Variants in RIF1 observed in about 807,000 individuals in gnomAD.
The protein encoded by RIF1 is replication timing regulatory factor 1, also known as telomere-associated protein RIF1.
RIF1 carries 45 observed loss-of-function variants against 247.1 expected under a neutral mutation model. The ratio of observed to expected loss-of-function variants is 0.18; its 90% CI spans 0.14 to 0.23. RIF1 has a LOEUF of 0.23. RIF1 is among the 10% of genes least tolerant of loss of function. The pLI, the probability that RIF1 is intolerant of heterozygous loss-of-function variation, is 1.00. For synonymous variants in RIF1, 1,087 were observed against 978.8 expected (o/e 1.11, Z -2.06); for missense variants, 2,967 against 2,862.5 (o/e 1.04, Z -0.83).
intron 11 of RIF1, among the ~76,000 whole-genome samples, chr2:151,500,523 C>T (rs757898429): frequency 2.7e-5 from 4 of 149,706 alleles, no homozygotes; most frequent in Non-Finnish European, 4.4e-5. Flanking sequence ...AAAAAAAAAT[C>T]AGAAGGCCTG....
At chr2:151,486,640 A>G (rs955481509), downstream of RIF1, 1 of 152,298 alleles carries the variant, frequency 6.6e-6, no homozygotes, top group Non-Finnish European at 1.5e-5. Context: ...AAGATCTGGT[A>G]TATCCATACA....
chr2:151,415,240 G>T (rs746083961), intron 4 of RIF1, among the ~76,000 whole-genome samples: 1 of 151,750 alleles, frequency 6.6e-6, no homozygotes. Context: ...CCAGCTACTC[G>T]GGAGGCTGAG....
At chr2:151,413,438 A>G (rs1444824269) in intron 3 of RIF1, among the ~76,000 whole-genome samples, 2 of 152,222 alleles carry the variant, frequency 1.3e-5, no homozygotes, top group Non-Finnish European at 2.9e-5. Context: ...AAGCAATGAA[A>G]GGATAATTGA....
the RIF1 span, among the ~76,000 whole-genome samples, chr2:151,517,857 T>C: frequency 3.0e-4 from 46 of 152,364 alleles, no homozygotes; most frequent in Non-Finnish European, 5.6e-4. Context: ...ATACAGGTGG[T>C]CTGCTGTTGA....
chr2:151,457,262 AC>A (rs929073578), intron 23 of RIF1, among the ~76,000 whole-genome samples: 9 of 152,158 alleles, frequency 5.9e-5, no homozygotes, highest in African/African-American at 1.9e-4. Context: ...AGCTAGGACT[AC>A]AGGCATACAC....
chr2:151,484,666 A>G (rs2049400701), downstream of RIF1, among the ~76,000 whole-genome samples: 1 of 152,236 alleles, frequency 6.6e-6, no homozygotes, highest in African/African-American at 2.4e-5. Flanking sequence ...GGGAGTTGGA[A>G]ATCACAATAG....
chr2:151,465,203 G>A lies in RIF1; in HGVS notation c.5683G>A (p.Glu1895Lys). Residue 1895 changes from glutamate (E) to lysine (K), a missense_variant, in exon 30 of 36, where the codon GAG becomes AAG. This residue lies in a region of RIF1 where 2,028 missense variants were observed against 1,825.6 expected (regional missense o/e 1.11). Transcript: ENST00000444746. ...AACCCCAAAAATGGAACTGAGTCTA[G>A]AGAATGTTACTGTTGAAGGAAATGC... Reference protein sequence around the residue: ...EETPKMELSLENVTVEGNACK... With the variant: ...EETPKMELSLKNVTVEGNACK... 2 of 1,612,460 alleles carry A rather than the reference G, an allele frequency of 1.2e-6. No individual in the cohort carries two copies. The highest frequency in any genetic ancestry group is 3.4e-5 in the Admixed American group (2 of 59,610).
rs2048893719 is a variant in RIF1 at position 151,475,691 on chromosome 2, A to G, written c.*620A>G. Reference sequence around the variant, plus strand: ...AGATTTTATTCATTTGCATTAGCAAATATTCATGCAGCAGCAGTTGACTGA... The same window carrying G: ...AGATTTTATTCATTTGCATTAGCAAGTATTCATGCAGCAGCAGTTGACTGA... On this transcript the variant is annotated 3_prime_UTR_variant, in exon 36 of 36. Transcript: ENST00000444746. The G allele has an allele frequency of 1.3e-5, 2 of 153,870 alleles. No homozygotes were observed. The highest frequency in any genetic ancestry group is 2.4e-5 in the African/African-American group (1 of 41,590). 9.5% of individuals were successfully genotyped at this position (153,870 alleles called of 1,614,324 possible). A position where few individuals can be genotyped will look rare whatever the true frequency, so the allele number is the denominator to read the frequency against.
At chr2:151,498,077 T>TATC (rs2061524579) in intron 10 of RIF1, 2 of 1,466,758 alleles carry the variant, frequency 1.4e-6, no homozygotes, top group Non-Finnish European at 1.8e-6. Flanking sequence ...TGTTTGTAAA[T>TATC]ATCAGATGAA....
chr2:151,474,824 A>C, intron 35 of RIF1, 33 bp from the exon 36 acceptor site: 2 of 1,236,756 alleles, frequency 1.6e-6, no homozygotes, highest in Non-Finnish European at 2.3e-6. Flanking sequence ...TGTCTGGTAT[A>C]GATTTAATTG....
At chr2:151,418,350 G>T (rs530045374) in intron 6 of RIF1, among the ~76,000 whole-genome samples, 1 of 151,970 alleles carries the variant, frequency 6.6e-6, no homozygotes, top group South Asian at 2.1e-4. Context: ...GATTATAGGC[G>T]TCAGCCACCA....
rs756574668 is a variant in RIF1 at position 151,443,593 on chromosome 2, T to G, written c.1870T>G (p.Phe624Val). The stretch of plus-strand genomic sequence containing the variant: ...TTCTGGTCCAACTTCACCACTAGCT[T>G]TCAGTGACTCAGTTTTAAATGTTAT... ...VLSGPTSPLA[F>V]SDSVLNVINQ... Residue 624 changes from phenylalanine to valine, a missense_variant, in exon 18 of 36, where the codon TTC becomes GTC. Phe to Val is a conservative substitution (Grantham distance 50, BLOSUM62 -1). Coordinates refer to ENST00000444746, the MANE Select transcript of RIF1 (RefSeq NM_018151.5). 65 of 1,612,216 alleles carry G rather than the reference T, an allele frequency of 4.0e-5. No homozygotes were observed. Among genetic ancestry groups the G allele is most frequent in the Non-Finnish European group, 5.3e-5 (63 of 1,179,440 alleles).
intron 16 of RIF1, among the ~76,000 whole-genome samples, chr2:151,443,047 A>G (rs530581586): frequency 6.6e-6 from 1 of 152,190 alleles, no homozygotes; most frequent in East Asian, 1.9e-4. Context: ...AAGTGCTGGC[A>G]TTACAGGAGT....
the RIF1 span, chr2:151,518,561 GAA>G: frequency 1.5e-6 from 1 of 658,038 alleles, no homozygotes. Flanking sequence ...AGGAGGTTAA[GAA>G]AAAGTTTTAA....
chr2:151,506,459 C>CT (rs374795174), intron 13 of RIF1: 23 of 527,354 alleles, frequency 4.4e-5, no homozygotes, highest in African/African-American at 4.0e-4. Context: ...CTTTCCAGAT[C>CT]TTAAGATTTC....
chr2:151,525,862 T>C, the RIF1 span: 1 of 902,886 alleles, frequency 1.1e-6, no homozygotes, highest in Non-Finnish European at 1.9e-6. Flanking sequence ...AGAGTGAAGC[T>C]ACATAAAGGA....
the RIF1 span, chr2:151,519,649 G>T: frequency 6.3e-7 from 1 of 1,583,582 alleles, no homozygotes; most frequent in Non-Finnish European, 8.7e-7. Flanking sequence ...CACAATTTTA[G>T]AAACATACCT....
chr2:151,410,513 C>T lies in RIF1; in HGVS notation c.90C>T (p.Tyr30=), dbSNP rs1203942178. The change falls in exon 2 of 36, where the codon TAC becomes TAT. Residue 30 remains tyrosine (Y), a synonymous_variant. Transcript: ENST00000444746. ...SASHGGQTDA[Y]LTLTSRMTGE... is the part of the protein sequence containing the mutation. The stretch of plus-strand genomic sequence containing the variant: ...CCCATGGAGGGCAGACTGACGCTTA[C>T]CTGACTCTGACCAGGTGAGGTCCGC... 2 of 1,613,726 alleles carry T rather than the reference C, an allele frequency of 1.2e-6. No individual in the cohort carries two copies. Among genetic ancestry groups the T allele is most frequent in the East Asian group, 2.2e-5 (1 of 44,856 alleles).
chr2:151,515,845 T>A, the RIF1 span, among the ~76,000 whole-genome samples: 1 of 152,228 alleles, frequency 6.6e-6, no homozygotes, highest in East Asian at 1.9e-4. Flanking sequence ...CTGCTTTTAT[T>A]TAAAACAATT....
Sources: gnomAD v4.1 joint callset for allele counts (sites outside exome capture counted in the v4.1 genomes callset) on GRCh38, gnomAD v4.1.1 for gene constraint, gnomAD v4.1.1 regional missense constraint, MANE v1.5 for transcripts, NCBI Gene and HGNC (gene_info 2026-07-23, HGNC 2026-07-21) for gene names.